The following PITRM1 variants were observed in gnomAD, a reference collection of about 807,000 sequenced individuals.
PITRM1 encodes presequence protease, mitochondrial.
Under a neutral mutation model 129.9 loss-of-function variants are expected in PITRM1, and 100 were observed. The ratio of observed to expected loss-of-function variants is 0.77; its 90% CI spans 0.65 to 0.91. The LOEUF (loss-of-function observed/expected upper bound fraction) is 0.91, where lower values mean the gene tolerates loss of function less well. Ranked by LOEUF, PITRM1 falls within the 40% of genes least tolerant of loss-of-function variation. The pLI is 0.00. For synonymous variants in PITRM1, 591 were observed against 508.8 expected (o/e 1.16, Z -2.17); for missense variants, 1,471 against 1,318.3 (o/e 1.12, Z -1.79).
At chr10:3,150,035 A>G (rs1841347699) in intron 15 of PITRM1, among the ~76,000 whole-genome samples, 1 of 152,074 alleles carries the variant, frequency 6.6e-6, no homozygotes, top group Admixed American at 6.5e-5. Flanking sequence ...CTCCCCGTCA[A>G]CCAGAGGGAA....
chr10:3,148,544 G>T, intron 16 of PITRM1: 2 of 450,916 alleles, frequency 4.4e-6, no homozygotes, highest in Non-Finnish European at 3.9e-6. Flanking sequence ...AAGACACTTG[G>T]GCAGCCAGTG....
At chr10:3,154,778 T>C (rs555275887) in intron 14 of PITRM1, among the ~76,000 whole-genome samples, 8 of 152,160 alleles carry the variant, frequency 5.3e-5, no homozygotes, top group Non-Finnish European at 1.2e-4. Flanking sequence ...CAAACTACCT[T>C]TGAGAATCCA....
Position 3,171,675 on chromosome 10 carries a change from G to C in PITRM1, c.56+1042C>G, listed in dbSNP as rs568934439. Among the ~76,000 whole-genome samples the C allele has an allele frequency of 8.0e-4, 122 of 152,316 alleles. 1 individual carries two copies. The highest frequency in any genetic ancestry group is 3.4e-3 in the Middle Eastern group (1 of 294). On this transcript the variant is annotated intron_variant, in intron 1 of 26. Coordinates refer to ENST00000224949, the MANE Select transcript of PITRM1 (RefSeq NM_014889.4). ...GCTGGTCTTGAACTCCTGACCTCAA[G>C]TGGTCTGCCCGCCTTGGCCTCCCAA...
chr10:3,141,732 CT>C, intron 23 of PITRM1: 1 of 460,410 alleles, frequency 2.2e-6, no homozygotes, highest in Non-Finnish European at 4.5e-6. Flanking sequence ...ACAGACAGGC[CT>C]TTTCCTAAAG....
Position 3,145,589 on chromosome 10 carries a change from T to G in PITRM1, c.2457+7A>C, listed in dbSNP as rs577499749. On this transcript the variant is annotated splice_region_variant and intron_variant, in intron 21 of 26. Coordinates refer to ENST00000224949, the MANE Select transcript of PITRM1 (RefSeq NM_014889.4). Reference sequence around the variant, plus strand: ...GCTCACCGGGCGCCAGCACCACCAGTGCATACCTCGACCGTGTGTGGGCGC... The same window carrying G: ...GCTCACCGGGCGCCAGCACCACCAGGGCATACCTCGACCGTGTGTGGGCGC... 9.2e-5 allele frequency: 142 copies of G among 1,549,302 alleles called. No homozygotes were observed. Among genetic ancestry groups the G allele is most frequent in the Non-Finnish European group, 1.2e-4 (136 of 1,146,772 alleles).
At chr10:3,141,691 G>A (rs74623103) in intron 23 of PITRM1, 9,761 of 470,294 alleles carry the variant, frequency 0.021, 138 homozygotes, top group Non-Finnish European at 0.026. Context: ...GAAGACGCCC[G>A]TGGTGAGATC....
At position 3,148,057 on chromosome 10, in the gene PITRM1, G is replaced by A; in HGVS notation, c.1999C>T (p.Leu667Phe). ...CGATCCAGGCAGAGAGAGGAGAAAA[G>A]CACACCCTGAACCAAAGAAAACACA... ...SHMDTYEQGV[L>F]FSSLCLDRNL... Residue 667 changes from leucine (L) to phenylalanine (F), a missense_variant, in exon 18 of 27, where the codon CTT (leucine) becomes TTT (phenylalanine). Leu to Phe is a conservative substitution (Grantham distance 22, BLOSUM62 0). Transcript: ENST00000224949. 6.2e-7 allele frequency: 1 copy of A among 1,613,702 alleles called. No homozygotes were observed. Among genetic ancestry groups the A allele is most frequent in the Non-Finnish European group, 8.5e-7 (1 of 1,179,610 alleles).
At chr10:3,159,216 A>AG (rs914838313) in intron 9 of PITRM1, among the ~76,000 whole-genome samples, 174 bp from the exon 10 acceptor site, 1 of 152,226 alleles carries the variant, frequency 6.6e-6, no homozygotes, top group Non-Finnish European at 1.5e-5. Context: ...GGATTTTTGA[A>AG]GGGGGGCACA....
intron 16 of PITRM1, 144 bp downstream of exon 16, chr10:3,149,477 A>C: frequency 1.3e-6 from 1 of 750,650 alleles, no homozygotes; most frequent in Non-Finnish European, 2.0e-6. Context: ...AAAAATTCTA[A>C]ACCAATATAT....
At position 3,138,112 on chromosome 10, in the gene PITRM1, A is replaced by G. The variant is rs1370125827; in HGVS notation, c.3033T>C (p.Thr1011=). Residue 1011 remains threonine (T), a synonymous_variant, in exon 27 of 27, where the codon ACT becomes ACC. Coordinates refer to ENST00000224949, the MANE Select transcript of PITRM1 (RefSeq NM_014889.4). ...LLAVSDRYLG[T]GKSTHGLAIL... is the part of the protein sequence containing the mutation. ...TGGCCAGGCCGTGTGTGCTCTTCCC[A>G]GTGCCGAGGTATCTGAGAGGAAGGC... 1.9e-6 allele frequency: 3 copies of G among 1,609,320 alleles called. No individual in the cohort carries two copies. The highest frequency in any genetic ancestry group is 1.3e-5 in the African/African-American group (1 of 74,798).
At chr10:3,152,336 C>T (rs1841593297) in intron 14 of PITRM1, among the ~76,000 whole-genome samples, 1 of 152,212 alleles carries the variant, frequency 6.6e-6, no homozygotes, top group African/African-American at 2.4e-5. Context: ...TTCCACGACT[C>T]CCGGGGAGGG....
intron 23 of PITRM1, among the ~76,000 whole-genome samples, chr10:3,142,616 GGAA>G (rs1172819500): frequency 6.6e-6 from 1 of 152,238 alleles, no homozygotes; most frequent in Non-Finnish European, 1.5e-5. Context: ...GCCAGAGTTC[GGAA>G]GAAGGGGCTG....
At chr10:3,171,350 AAGC>A (rs1444560993) in intron 1 of PITRM1, among the ~76,000 whole-genome samples, 1 of 150,564 alleles carries the variant, frequency 6.6e-6, no homozygotes, top group Non-Finnish European at 1.5e-5. Context: ...AAAAAAAAAA[AAGC>A]AAGGACATTT....
rs754861898 is a variant in PITRM1, at chr10:3,163,805, AC to A, written c.710del (p.Gly237ValfsTer37). On this transcript the variant is annotated frameshift_variant, in exon 7 of 27. Transcript: ENST00000224949. LOFTEE classifies it high-confidence loss of function. ...TAAGCTCCGGGATGCACAGTGGGTC[AC>A]CCCCGGAGACCACTGAGTACGTGTG... ...PDHTYSVVSG[G>X]DPLCIPELTW... 1.2e-6 allele frequency: 2 copies of A among 1,611,518 alleles called. No homozygotes were observed. The highest frequency in any genetic ancestry group is 2.2e-5 in the East Asian group (1 of 44,862).
intron 14 of PITRM1, among the ~76,000 whole-genome samples, chr10:3,153,614 G>A (rs533345680): frequency 5.3e-5 from 8 of 149,956 alleles, no homozygotes; most frequent in South Asian, 2.1e-4. Context: ...GCGAGACTCC[G>A]TCTCAAAAAA....
intron 14 of PITRM1, among the ~76,000 whole-genome samples, chr10:3,154,336 T>C (rs1588677613): frequency 6.6e-6 from 1 of 152,228 alleles, no homozygotes; most frequent in East Asian, 1.9e-4. Context: ...AGCGGGGCTT[T>C]CCTGGTCCGT....
rs779164205 is a variant in PITRM1, at chr10:3,158,026, C to T, written c.1250+14G>A. 2 of 1,491,372 alleles carry T rather than the reference C, an allele frequency of 1.3e-6. No individual in the cohort carries two copies. The highest frequency in any genetic ancestry group is 1.7e-5 in the Admixed American group (1 of 59,878). The allele number at this position is 1,491,372 out of a possible 1,614,324, so 92.4% of individuals were successfully genotyped here. On this transcript the variant is annotated intron_variant, in intron 11 of 26. Coordinates refer to ENST00000224949, the MANE Select transcript of PITRM1 (RefSeq NM_014889.4). ...AGGAACGAAAGCAGATTGTTACAAACAAGCTACACTCACTCAACTACTTCA... is the reference window on the plus strand; with the variant it reads ...AGGAACGAAAGCAGATTGTTACAAATAAGCTACACTCACTCAACTACTTCA...
chr10:3,163,804 C>A lies in PITRM1; in HGVS notation c.712G>T (p.Asp238Tyr), dbSNP rs1403632973. The stretch of plus-strand genomic sequence containing the variant: ...GTAAGCTCCGGGATGCACAGTGGGT[C>A]ACCCCCGGAGACCACTGAGTACGTG... Reference protein sequence around the residue: ...DHTYSVVSGGDPLCIPELTWE... With the variant: ...DHTYSVVSGGYPLCIPELTWE... Residue 238 changes from aspartate to tyrosine, a missense_variant, in exon 7 of 27, where the codon GAC (aspartate) becomes TAC (tyrosine). Physicochemically the swap from Asp to Tyr is radical, Grantham distance 160. Transcript: ENST00000224949. The A allele has an allele frequency of 6.2e-7, 1 of 1,612,716 alleles. No individual in the cohort carries two copies. Among genetic ancestry groups the A allele is most frequent in the Non-Finnish European group, 8.5e-7 (1 of 1,179,008 alleles).
intron 7 of PITRM1, 197 bp downstream of exon 7, chr10:3,163,528 C>A (rs1588706436): frequency 2.1e-6 from 1 of 467,270 alleles, no homozygotes; most frequent in Non-Finnish European, 3.8e-6. Flanking sequence ...CATGCTGAGC[C>A]TCCTGAGGGC....
Sources: allele counts gnomAD v4.1 joint callset (sites outside exome capture counted in the v4.1 genomes callset), GRCh38; gene constraint gnomAD v4.1.1; transcripts MANE v1.5; gene names NCBI Gene and HGNC (gene_info 2026-07-23, HGNC 2026-07-21).